The following CACNB4 variants were observed in gnomAD, a reference collection of about 807,000 sequenced individuals.
CACNB4 encodes the protein calcium voltage-gated channel auxiliary subunit beta 4.
A neutral mutation model predicts 71.2 loss-of-function variants in CACNB4; 32 were observed. That is an observed-to-expected ratio of 0.45 (90% confidence interval 0.34 to 0.60). The LOEUF is 0.60. Ranked by LOEUF, CACNB4 falls within the 20% of genes least tolerant of loss-of-function variation. CACNB4 has a pLI of 0.01. For missense variants in CACNB4, 464 were observed against 647.9 expected, an observed-to-expected ratio of 0.72 and a Z score of 3.08; for synonymous variants, 231 against 236.9, an observed-to-expected ratio of 0.97 and a Z score of 0.23.
intron 2 of CACNB4, among the ~76,000 whole-genome samples, chr2:152,079,522 A>G (rs752698914): frequency 6.6e-6 from 1 of 152,146 alleles, no homozygotes; most frequent in Non-Finnish European, 1.5e-5. Flanking sequence ...ATGGTGGCAC[A>G]CACCTGTAAT....
intron 2 of CACNB4, among the ~76,000 whole-genome samples, chr2:151,906,827 T>C (rs192815734): frequency 6.6e-6 from 1 of 152,334 alleles, no homozygotes; most frequent in East Asian, 1.9e-4. Context: ...TGTAGATTGC[T>C]ACCCTGACGT....
intron 2 of CACNB4, among the ~76,000 whole-genome samples, chr2:151,993,854 T>C (rs1415175084): frequency 6.7e-6 from 1 of 148,210 alleles, no homozygotes; most frequent in Non-Finnish European, 1.5e-5. Flanking sequence ...TGAGCCACTG[T>C]GCCCAGCCGG....
intron 2 of CACNB4, among the ~76,000 whole-genome samples, chr2:151,981,270 T>A (rs2099874675): frequency 6.6e-6 from 1 of 152,154 alleles, no homozygotes; most frequent in African/African-American, 2.4e-5. Context: ...TCAACAAATA[T>A]TGGTTAAGGA....
At chr2:151,972,362 G>C (rs909635761) in intron 2 of CACNB4, 1 of 152,198 alleles carries the variant, frequency 6.6e-6, no homozygotes, top group African/African-American at 2.4e-5. Context: ...AAGTGATCAG[G>C]CCTTCTGAAG....
intron 2 of CACNB4, among the ~76,000 whole-genome samples, chr2:151,917,834 CAAA>C (rs35688438): frequency 2.6e-5 from 3 of 116,238 alleles, no homozygotes; most frequent in Admixed American, 9.4e-5. Flanking sequence ...GACACTGTCT[CAAA>C]AAAAAAAAAA....
chr2:151,904,739 T>A (rs2099854357), intron 2 of CACNB4, among the ~76,000 whole-genome samples: 1 of 152,208 alleles, frequency 6.6e-6, no homozygotes, highest in Non-Finnish European at 1.5e-5. Context: ...TTCACCATGT[T>A]GGCCAGGCTG....
Position 151,883,213 on chromosome 2 carries a change from G to T in CACNB4, c.267+38C>A. 2.5e-6 allele frequency: 4 copies of T among 1,610,846 alleles called. No individual in the cohort carries two copies. The South Asian group carries it at 4.4e-5, about 18-fold the overall frequency. On this transcript the variant is annotated intron_variant, in intron 3 of 13. Coordinates refer to ENST00000539935, the MANE Select transcript of CACNB4 (RefSeq NM_000726.5). ...GAGCAGCTGGTAGCCACTGAGCAAC[G>T]ACCCACTTTTGAGCCAAAGAGAAGG...
chr2:151,844,248 G>A (rs923552921), intron 12 of CACNB4, among the ~76,000 whole-genome samples: 1 of 152,140 alleles, frequency 6.6e-6, no homozygotes, highest in African/African-American at 2.4e-5. Context: ...GTCACACTGG[G>A]ACTTTAATTC....
intron 2 of CACNB4, among the ~76,000 whole-genome samples, chr2:151,960,281 A>G (rs1358681964): frequency 6.6e-6 from 1 of 152,112 alleles, no homozygotes; most frequent in Non-Finnish European, 1.5e-5. Context: ...ATAAACCACA[A>G]CTGAGACTCA....
At chr2:152,035,680 T>TG (rs1242266101) in intron 2 of CACNB4, among the ~76,000 whole-genome samples, 12 of 151,106 alleles carry the variant, frequency 7.9e-5, no homozygotes, top group African/African-American at 2.7e-4. Flanking sequence ...TATGTATGTA[T>TG]TAAGATGCAC....
intron 2 of CACNB4, among the ~76,000 whole-genome samples, chr2:151,907,722 G>A (rs990076473): frequency 2.0e-5 from 3 of 152,180 alleles, no homozygotes; most frequent in South Asian, 2.1e-4. Context: ...TAAACATCTT[G>A]GCCATTCTTC....
Position 152,099,006 on chromosome 2 carries a change from G to A in CACNB4, c.6C>T (p.Ser2=), listed in dbSNP as rs1365460215. 1 of 1,534,116 alleles carries A rather than the reference G, an allele frequency of 6.5e-7. No individual in the cohort carries two copies. The highest frequency in any genetic ancestry group is 2.5e-5 in the East Asian group (1 of 39,618). The change falls in exon 1 of 14, where the codon TCC becomes TCT. Residue 2 remains serine (S), a synonymous_variant. Transcript: ENST00000539935. ...TCCCGTTCTTGGCGTAGGAGGAGGAGGACATCGTTCAGAGCCGCCGCATGG... is the reference window on the plus strand; with the variant it reads ...TCCCGTTCTTGGCGTAGGAGGAGGAAGACATCGTTCAGAGCCGCCGCATGG... M[S]SSSYAKNGTA... is the part of the protein sequence containing the mutation.
At chr2:152,054,809 C>T (rs1217846695) in intron 2 of CACNB4, among the ~76,000 whole-genome samples, 1 of 152,064 alleles carries the variant, frequency 6.6e-6, no homozygotes, top group Non-Finnish European at 1.5e-5. Flanking sequence ...ATTGCATTTC[C>T]TCCTGGTGAC....
At chr2:152,083,126 A>G (rs1296041036) in intron 2 of CACNB4, among the ~76,000 whole-genome samples, 4 of 152,140 alleles carry the variant, frequency 2.6e-5, no homozygotes, top group African/African-American at 7.2e-5. Flanking sequence ...TAGGTAGCCA[A>G]CTGCTGCCTT....
chr2:151,874,486 A>C (rs2151422140), intron 5 of CACNB4, among the ~76,000 whole-genome samples: 1 of 152,054 alleles, frequency 6.6e-6, no homozygotes, highest in African/African-American at 2.4e-5. Context: ...AAAAAGAAGA[A>C]GTATGAGAAC....
intron 2 of CACNB4, among the ~76,000 whole-genome samples, chr2:152,008,742 G>A (rs140792066): frequency 2.6e-5 from 4 of 152,242 alleles, no homozygotes; most frequent in Non-Finnish European, 5.9e-5. Flanking sequence ...CCAAGTCTAG[G>A]GTCTTGATCC....
intron 2 of CACNB4, among the ~76,000 whole-genome samples, chr2:152,043,557 T>A (rs187996481): frequency 2.6e-5 from 4 of 152,290 alleles, no homozygotes; most frequent in African/African-American, 7.2e-5. Context: ...TGGTCTCAAA[T>A]GATCCTCCTG....
intron 13 of CACNB4, among the ~76,000 whole-genome samples, chr2:151,841,309 A>T (rs962627762): frequency 6.6e-6 from 1 of 152,216 alleles, no homozygotes; most frequent in Admixed American, 6.5e-5. Context: ...GTGGTGGCTC[A>T]TGATGGTAAT....
At chr2:151,998,097 G>A (rs1682168860) in intron 2 of CACNB4, among the ~76,000 whole-genome samples, 1 of 151,988 alleles carries the variant, frequency 6.6e-6, no homozygotes, top group Admixed American at 6.6e-5. Context: ...CCAAGGTGGG[G>A]GGATCGCCTG....
Sources: allele counts gnomAD v4.1 joint callset (sites outside exome capture counted in the v4.1 genomes callset), GRCh38; gene constraint gnomAD v4.1.1; transcripts MANE v1.5; gene names NCBI Gene and HGNC (gene_info 2026-07-23, HGNC 2026-07-21).